Variants in PLS3 observed in about 807,000 individuals in gnomAD.
PLS3 encodes the protein plastin 3, also known as plastin-3.
Under a neutral mutation model 46.5 loss-of-function variants are expected in PLS3, and 11 were observed. That is an observed-to-expected ratio of 0.24 (90% CI 0.15 to 0.39). The LOEUF is 0.39. Ranked by LOEUF, PLS3 falls within the 10% of genes least tolerant of loss-of-function variation. The probability of loss-of-function intolerance (pLI) is 1.00; values close to 1 mark genes in which losing one functional copy is unlikely to be tolerated. For synonymous variants in PLS3, 167 were observed against 162.2 expected, an observed-to-expected ratio of 1.03 and a Z score of -0.22; for missense variants, 308 against 461.8, an observed-to-expected ratio of 0.67 and a Z score of 3.05.
intron 1 of PLS3, among the ~76,000 whole-genome samples, chrX:115,572,211 G>A (rs1381486387): frequency 9.0e-6 from 1 of 111,518 alleles, no homozygotes; most frequent in Non-Finnish European, 1.9e-5. Flanking sequence ...ACTAGTGGCT[G>A]GGCATGGTGG....
intron 1 of PLS3, among the ~76,000 whole-genome samples, chrX:115,577,467 G>T (rs1382423191): frequency 1.6e-5 from 1 of 63,388 alleles, no homozygotes; most frequent in Admixed American, 2.4e-4. Context: ...ACATTATAGG[G>T]TTTATCACTC....
chrX:115,617,343 A>T (rs782357748), intron 2 of PLS3, among the ~76,000 whole-genome samples: 13 of 111,710 alleles, frequency 1.2e-4, no homozygotes, highest in Non-Finnish European at 1.7e-4. Flanking sequence ...CTGGGTAGGG[A>T]CAGGATTAGA....
intron 1 of PLS3, among the ~76,000 whole-genome samples, chrX:115,567,536 A>C (rs1295306012): frequency 9.1e-6 from 1 of 110,024 alleles, no homozygotes; most frequent in African/African-American, 3.3e-5. Flanking sequence ...GGTTACAGTG[A>C]GCCGAGATTG....
chrX:115,643,374 G>T lies in PLS3; in HGVS notation c.1049G>T (p.Arg350Ile), dbSNP rs1431609766. ...MLQQADKLGC[R>I]QFVTPADVVS... ...CAACAAGCAGATAAATTAGGTTGCA[G>T]ACAGTTTGTTACCCCTGCTGATGTT... The change falls in exon 10 of 16, where the codon AGA becomes ATA. Residue 350 changes from arginine to isoleucine, a missense_variant. Arg to Ile is a moderately conservative substitution (Grantham distance 97). This residue lies in a region of PLS3 where 271 missense variants were observed against 435.7 expected (regional missense o/e 0.62). Coordinates refer to ENST00000355899, the MANE Select transcript of PLS3 (RefSeq NM_005032.7). The T allele has an allele frequency of 1.7e-6, 2 of 1,194,676 alleles. No homozygotes were observed. The highest frequency in any genetic ancestry group is 2.3e-6 in the Non-Finnish European group (2 of 880,398).
chrX:115,580,978 C>T (rs1254372628), intron 1 of PLS3, among the ~76,000 whole-genome samples: 1 of 111,071 alleles, frequency 9.0e-6, no homozygotes, highest in African/African-American at 3.3e-5. Context: ...TCAAGCAATC[C>T]TCCCGCCTCA....
In PLS3 at chrX:115,649,668, G is replaced by C; in HGVS notation, c.*107G>C. ...TTAAGGAACTCTTGGCCATTCAAAGGACTTTTCATTTTGATTAACAGGACT... is the reference window on the plus strand; with the variant it reads ...TTAAGGAACTCTTGGCCATTCAAAGCACTTTTCATTTTGATTAACAGGACT... On this transcript the variant is annotated 3_prime_UTR_variant, in exon 16 of 16. Transcript: ENST00000355899. The C allele has an allele frequency of 1.3e-6, 1 of 742,231 alleles. No individual in the cohort carries two copies. The highest frequency in any genetic ancestry group is 3.3e-5 in the East Asian group (1 of 30,428). The allele number at this position is 742,231 out of a possible 1,213,427, so 61.2% of individuals were successfully genotyped here. A position where few individuals can be genotyped will look rare whatever the true frequency, so the allele number is the denominator to read the frequency against.
At chrX:115,626,307 G>A (rs1214815859) in intron 3 of PLS3, among the ~76,000 whole-genome samples, 8 of 105,718 alleles carry the variant, frequency 7.6e-5, no homozygotes, top group African/African-American at 1.0e-4. Flanking sequence ...TTTTTGAGAC[G>A]GAGTTTCACT....
chrX:115,649,418 C>A lies in PLS3; in HGVS notation c.1761-11C>A, dbSNP rs782793618. 1.7e-6 allele frequency: 2 copies of A among 1,190,004 alleles called. No individual in the cohort carries two copies. Among genetic ancestry groups the A allele is most frequent in the East Asian group, 6.0e-5 (2 of 33,595 alleles). On this transcript the variant is annotated splice_polypyrimidine_tract_variant and intron_variant, in intron 15 of 15. Transcript: ENST00000355899. ...AGAATTTCATCCTGATTTTGTTTCC[C>A]CCTAAAATAGGTATGCAGTGTCAAT...
intron 15 of PLS3, among the ~76,000 whole-genome samples, chrX:115,648,530 A>G (rs1239497103): frequency 9.0e-6 from 1 of 111,053 alleles, no homozygotes; most frequent in Non-Finnish European, 1.9e-5. Flanking sequence ...AACAATATTC[A>G]GAAGGTCTTT....
chrX:115,594,511 G>A (rs1027410417), intron 1 of PLS3, among the ~76,000 whole-genome samples: 2 of 111,571 alleles, frequency 1.8e-5, no homozygotes, highest in Admixed American at 9.6e-5. Context: ...GTGACTTGCC[G>A]ATAGCTTTCT....
chrX:115,595,252 A>C (rs2074376909), intron 1 of PLS3, among the ~76,000 whole-genome samples: 1 of 111,967 alleles, frequency 8.9e-6, no homozygotes, highest in Non-Finnish European at 1.9e-5. Context: ...GAGGTATTTG[A>C]TATTCCTCCA....
At chrX:115,562,536 A>T (rs1375120551) in intron 1 of PLS3, 1 of 111,675 alleles carries the variant, frequency 9.0e-6, no homozygotes, top group African/African-American at 3.3e-5. Context: ...CCGGCCTGTT[A>T]AGAGGGATTG....
intron 1 of PLS3, among the ~76,000 whole-genome samples, chrX:115,568,338 T>G (rs2074190789): frequency 8.9e-6 from 1 of 112,136 alleles, no homozygotes; most frequent in African/African-American, 3.2e-5. Flanking sequence ...ATTAGAAAAA[T>G]TCAAGGTAAC....
At chrX:115,584,117 A>T (rs2074294182) in intron 1 of PLS3, among the ~76,000 whole-genome samples, 1 of 112,102 alleles carries the variant, frequency 8.9e-6, no homozygotes, top group African/African-American at 3.2e-5. Flanking sequence ...ATGGAACAAG[A>T]GTAGATGCCT....
At chrX:115,626,910 C>CA (rs35030882) in intron 3 of PLS3, among the ~76,000 whole-genome samples, 15,555 of 107,364 alleles carry the variant, frequency 0.14, 1,961 homozygotes, top group African/African-American at 0.41. Flanking sequence ...AGTGCAGTGG[C>CA]CCATCTTGGC....
intron 7 of PLS3, among the ~76,000 whole-genome samples, chrX:115,635,650 C>CAAAA (rs10606256): frequency 1.9e-3 from 39 of 20,408 alleles, no homozygotes; most frequent in Non-Finnish European, 2.7e-3. Flanking sequence ...GACTCTGTCT[C>CAAAA]AAAAAAAAAA....
At chrX:115,624,000 C>T (rs782355206) in intron 3 of PLS3, among the ~76,000 whole-genome samples, 6 of 111,337 alleles carry the variant, frequency 5.4e-5, no homozygotes, top group Non-Finnish European at 9.4e-5. Flanking sequence ...GAGGCCAAGG[C>T]GGGTGGATCA....
rs375469681 is a variant in PLS3 at position 115,596,300 on chromosome X, C to T, written c.-8-13943C>T. Among the ~76,000 whole-genome samples, 14 of 111,878 alleles carry T rather than the reference C, an allele frequency of 1.3e-4. 1 individual carries two copies. Among genetic ancestry groups the T allele is most frequent in the African/African-American group, 2.3e-4 (7 of 30,803 alleles). The stretch of plus-strand genomic sequence containing the variant: ...ATAGCCTGCATGATGTATAGGTCTG[C>T]GCACTTTCCCTACTCACCTCCATCG... On this transcript the variant is annotated intron_variant, in intron 1 of 15. Transcript: ENST00000355899.
intron 6 of PLS3, 82 bp from the exon 7 acceptor site, chrX:115,634,799 G>A: frequency 1.1e-6 from 1 of 883,154 alleles, no homozygotes. Flanking sequence ...CTCATTGAAT[G>A]TTATTTTCAG....
Sources: allele counts gnomAD v4.1 joint callset (sites outside exome capture counted in the v4.1 genomes callset), GRCh38; gene constraint gnomAD v4.1.1; regional missense constraint gnomAD v4.1.1; transcripts MANE v1.5; gene names NCBI Gene and HGNC (gene_info 2026-07-23, HGNC 2026-07-21).